Variants in MCC observed in about 807,000 individuals in gnomAD.
The protein encoded by MCC is MCC regulator of Wnt signaling pathway.
MCC carries 90 observed loss-of-function variants against 116.2 expected under a neutral mutation model. That is an observed-to-expected ratio of 0.77 (90% confidence interval 0.65 to 0.92). The LOEUF is 0.92. Ranked by LOEUF, MCC falls within the 40% of genes least tolerant of loss-of-function variation. The pLI is 0.00. For missense variants in MCC, 1,516 were observed against 1,312.2 expected (o/e 1.16, Z -2.40); for synonymous variants, 578 against 510.5 (o/e 1.13, Z -1.78).
At chr5:113,030,337 C>T (rs146851271) in intron 17 of MCC, among the ~76,000 whole-genome samples, 6 of 152,280 alleles carry the variant, frequency 3.9e-5, no homozygotes, top group Admixed American at 2.0e-4. Flanking sequence ...TGGTTAATCA[C>T]GGCCTACCCA....
In MCC at chr5:113,349,579, G is replaced by A. The variant is rs1395339398; in HGVS notation, c.416-8849C>T. 2.0e-5 allele frequency among the ~76,000 whole-genome samples: 3 copies of A among 152,028 alleles called. No homozygotes were observed. The East Asian group carries it at 5.8e-4, about 29-fold the overall frequency. On this transcript the variant is annotated intron_variant, in intron 2 of 18. Coordinates refer to ENST00000408903, the MANE Select transcript of MCC (RefSeq NM_001085377.2). The stretch of plus-strand genomic sequence containing the variant: ...AAAAGCTAAATGTGGCAGACCCACA[G>A]CTAGTATCATACTAAATGGGGAAAA...
chr5:113,260,735 C>T (rs1387784452), intron 3 of MCC, among the ~76,000 whole-genome samples: 2 of 149,014 alleles, frequency 1.3e-5, no homozygotes, highest in Admixed American at 7.1e-5. Context: ...TTTGAAATGC[C>T]TACACATTTT....
At chr5:113,339,612 C>T (rs561050495) in intron 3 of MCC, among the ~76,000 whole-genome samples, 8 of 152,102 alleles carry the variant, frequency 5.3e-5, no homozygotes, top group Admixed American at 1.3e-4. Context: ...GTTTTGGTTA[C>T]GTATTTTGTA....
At position 113,084,875 on chromosome 5, in the gene MCC, G is replaced by A. The variant is rs144165014; in HGVS notation, c.1545+289C>T. 1.9e-4 allele frequency among the ~76,000 whole-genome samples: 29 copies of A among 152,316 alleles called. No homozygotes were observed. The East Asian group carries it at 5.6e-3, about 29-fold the overall frequency. On this transcript the variant is annotated intron_variant, in intron 9 of 18. Transcript: ENST00000408903. ...CAACTCTGTCCACTGTGAAGTACTG[G>A]AGCACTTGACAAAACGTCTCACTCT...
At chr5:113,162,220 T>C (rs1278187516) in intron 3 of MCC, among the ~76,000 whole-genome samples, 2 of 151,968 alleles carry the variant, frequency 1.3e-5, no homozygotes, top group African/African-American at 4.8e-5. Context: ...ATGAAGAGAA[T>C]GGGAAAGAGA....
At position 113,320,463 on chromosome 5, in the gene MCC, A is replaced by AC. The variant is rs1280085340; in HGVS notation, c.627+20055_627+20056insG. On this transcript the variant is annotated intron_variant, in intron 3 of 18. Coordinates refer to ENST00000408903, the MANE Select transcript of MCC (RefSeq NM_001085377.2). ...CACCAGACTCATTGCAAAAAAAAAA[A>AC]AAAGGCTGTTTAAATGTCATCTTGG... 2.0e-5 allele frequency among the ~76,000 whole-genome samples: 3 copies of AC among 152,066 alleles called. No homozygotes were observed. The East Asian group carries it at 5.8e-4, about 29-fold the overall frequency.
chr5:113,232,757 C>T (rs1001923380), intron 3 of MCC, among the ~76,000 whole-genome samples: 1 of 152,234 alleles, frequency 6.6e-6, no homozygotes, highest in African/African-American at 2.4e-5. Flanking sequence ...AACTTTCATA[C>T]GGATCTTTAG....
chr5:113,447,289 G>A (rs903638533), intron 1 of MCC, among the ~76,000 whole-genome samples: 1 of 152,076 alleles, frequency 6.6e-6, no homozygotes, highest in Non-Finnish European at 1.5e-5. Flanking sequence ...GGAAGGGGTG[G>A]GTGGTCTCAC....
intron 6 of MCC, among the ~76,000 whole-genome samples, chr5:113,105,449 A>G (rs1756674238): frequency 6.6e-6 from 1 of 152,210 alleles, no homozygotes; most frequent in South Asian, 2.1e-4. Context: ...ACCTAAATCT[A>G]GAGAGATCAG....
At chr5:113,416,703 T>G (rs558331399) in intron 1 of MCC, among the ~76,000 whole-genome samples, 2 of 152,138 alleles carry the variant, frequency 1.3e-5, no homozygotes, top group African/African-American at 4.8e-5. Context: ...CAAAATAGCA[T>G]GAGAGGAGAG....
intron 3 of MCC, among the ~76,000 whole-genome samples, chr5:113,246,762 C>T (rs1764592212): frequency 6.6e-6 from 1 of 152,194 alleles, no homozygotes; most frequent in African/African-American, 2.4e-5. Context: ...TGTGTTACTT[C>T]TGTAAAGCAC....
At chr5:113,297,749 CAAAAAAAA>C (rs57148050) in intron 3 of MCC, among the ~76,000 whole-genome samples, 1 of 60,510 alleles carries the variant, frequency 1.7e-5, no homozygotes, top group Non-Finnish European at 3.0e-5. Context: ...GACTCTGTCT[CAAAAAAAA>C]AAAAAAAAAA....
chr5:113,044,958 G>T (rs184294358), intron 16 of MCC, among the ~76,000 whole-genome samples: 44 of 152,312 alleles, frequency 2.9e-4, no homozygotes, highest in African/African-American at 9.1e-4. Flanking sequence ...TCCCGAGGCA[G>T]TTCCTTGGCA....
At chr5:113,285,043 T>C (rs1371193010) in intron 3 of MCC, among the ~76,000 whole-genome samples, 5 of 152,226 alleles carry the variant, frequency 3.3e-5, no homozygotes, top group African/African-American at 1.2e-4. Flanking sequence ...ATGCCACTCA[T>C]TTTTTTAAAC....
At chr5:113,190,669 C>G (rs1376224231) in intron 3 of MCC, among the ~76,000 whole-genome samples, 1 of 152,120 alleles carries the variant, frequency 6.6e-6, no homozygotes, top group Admixed American at 6.5e-5. Context: ...GGAGCTAGCA[C>G]AACAATACAG....
chr5:113,063,936 A>T, intron 14 of MCC, 48 bp downstream of exon 14: 1 of 1,559,456 alleles, frequency 6.4e-7, no homozygotes, highest in Non-Finnish European at 8.7e-7. Context: ...CAGTGAACAG[A>T]TGCCATGTGG....
intron 3 of MCC, among the ~76,000 whole-genome samples, chr5:113,212,982 C>G (rs1380118334): frequency 2.0e-5 from 3 of 152,218 alleles, no homozygotes; most frequent in Non-Finnish European, 4.4e-5. Flanking sequence ...CATGTTCTTT[C>G]TGGTTCCAGC....
rs191735547 is a variant in MCC, at chr5:113,315,339, G to A, written c.627+25180C>T. On this transcript the variant is annotated intron_variant, in intron 3 of 18. Coordinates refer to ENST00000408903, the MANE Select transcript of MCC (RefSeq NM_001085377.2). ...TTATTAGAAATTGAATATTCTTTAC[G>A]TACTAAATATAGTTATGTATCTAGT... Among the ~76,000 whole-genome samples, 12 of 151,944 alleles carry A rather than the reference G, an allele frequency of 7.9e-5. No individual in the cohort carries two copies. The South Asian group carries it at 1.5e-3, about 18-fold the overall frequency.
At chr5:113,297,158 C>A (rs1766734211) in intron 3 of MCC, among the ~76,000 whole-genome samples, 1 of 152,186 alleles carries the variant, frequency 6.6e-6, no homozygotes, top group African/African-American at 2.4e-5. Flanking sequence ...GGGAAATGAA[C>A]ATGCCGATTG....
Sources: gnomAD v4.1 joint callset for allele counts (sites outside exome capture counted in the v4.1 genomes callset) on GRCh38, gnomAD v4.1.1 for gene constraint, MANE v1.5 for transcripts, NCBI Gene and HGNC (gene_info 2026-07-23, HGNC 2026-07-21) for gene names.